MRPS27: variants seen among roughly 807,000 people sequenced by gnomAD.
MRPS27 encodes the protein mitochondrial ribosomal protein S27.
A neutral mutation model predicts 48.9 loss-of-function variants in MRPS27; 43 were observed. The observed-to-expected ratio is 0.88, with a 90% CI of 0.69 to 1.13. The LOEUF is 1.13. MRPS27 is among the 50% of genes most tolerant of loss of function. The pLI is 0.00. For missense variants in MRPS27, 467 were observed against 476.3 expected, an observed-to-expected ratio of 0.98 and a Z score of 0.18; for synonymous variants, 188 against 171.9, an observed-to-expected ratio of 1.09 and a Z score of -0.73.
At chr5:72,319,734 A>T (rs1750694661) in intron 1 of MRPS27, among the ~76,000 whole-genome samples, 1 of 151,706 alleles carries the variant, frequency 6.6e-6, no homozygotes, top group Non-Finnish European at 1.5e-5. Context: ...TTTAGTAGAG[A>T]TGGGGTTTCG....
chr5:72,240,954 T>C (rs1748333580), intron 4 of MRPS27, among the ~76,000 whole-genome samples: 1 of 152,234 alleles, frequency 6.6e-6, no homozygotes. Flanking sequence ...TCTCCTATCC[T>C]GGGACAAGGC....
chr5:72,276,173 G>T (rs1454729497), intron 4 of MRPS27, among the ~76,000 whole-genome samples: 4 of 152,026 alleles, frequency 2.6e-5, no homozygotes, highest in African/African-American at 9.7e-5. Flanking sequence ...CATACTACAA[G>T]GCTACAATAA....
At chr5:72,247,268 G>A (rs1039681341) in intron 4 of MRPS27, among the ~76,000 whole-genome samples, 2 of 152,112 alleles carry the variant, frequency 1.3e-5, no homozygotes, top group African/African-American at 4.8e-5. Flanking sequence ...CTCTGGACTA[G>A]ACCAGACCCC....
At chr5:72,281,559 G>A (rs1015419714) in intron 4 of MRPS27, among the ~76,000 whole-genome samples, 7 of 152,210 alleles carry the variant, frequency 4.6e-5, no homozygotes, top group Non-Finnish European at 8.8e-5. Context: ...GTAAGTTTAT[G>A]AGTGTAGCAG....
At chr5:72,267,323 CAT>C (rs1356019308) in intron 4 of MRPS27, among the ~76,000 whole-genome samples, 1 of 151,896 alleles carries the variant, frequency 6.6e-6, no homozygotes, top group African/African-American at 2.4e-5. Context: ...GTTCATATAA[CAT>C]ATGAACAGAG....
intron 4 of MRPS27, among the ~76,000 whole-genome samples, chr5:72,288,404 G>A (rs757948797): frequency 2.0e-5 from 3 of 152,122 alleles, no homozygotes; most frequent in Non-Finnish European, 4.4e-5. Context: ...GCAAAGACGG[G>A]GTTTCACTGT....
chr5:72,250,755 T>C (rs75348305), intron 4 of MRPS27, among the ~76,000 whole-genome samples: 8,468 of 152,218 alleles, frequency 0.056, 772 homozygotes, highest in African/African-American at 0.19. Flanking sequence ...TATGCACATA[T>C]ACAAGCAATA....
chr5:72,299,986 G>C (rs1750086358), intron 2 of MRPS27, among the ~76,000 whole-genome samples: 1 of 152,076 alleles, frequency 6.6e-6, no homozygotes, highest in Non-Finnish European at 1.5e-5. Flanking sequence ...AAACAAAAAA[G>C]CCCTCCCTTG....
At chr5:72,265,543 A>G (rs1478629909) in intron 4 of MRPS27, among the ~76,000 whole-genome samples, 1 of 152,242 alleles carries the variant, frequency 6.6e-6, no homozygotes, top group Non-Finnish European at 1.5e-5. Flanking sequence ...ATCAAATTAT[A>G]TAAACAGTCT....
chr5:72,244,876 T>G (rs1021979303), intron 4 of MRPS27, among the ~76,000 whole-genome samples: 7 of 133,836 alleles, frequency 5.2e-5, no homozygotes, highest in African/African-American at 2.4e-4. Flanking sequence ...TGCTGCTCTC[T>G]CTCTCTCTCT....
intron 4 of MRPS27, 24 bp downstream of exon 4, chr5:72,295,507 A>G (rs1482200127): frequency 1.3e-6 from 2 of 1,575,698 alleles, no homozygotes; most frequent in East Asian, 2.2e-5. Context: ...CAGAGTACAT[A>G]GCCAAATCAA....
intron 1 of MRPS27, among the ~76,000 whole-genome samples, chr5:72,317,025 G>A (rs1243135882): frequency 3.5e-5 from 5 of 144,476 alleles, no homozygotes; most frequent in Non-Finnish European, 6.0e-5. Context: ...GCGAAACTCC[G>A]TCTCAAAAAA....
chr5:72,272,955 A>G (rs1228465777), intron 4 of MRPS27, among the ~76,000 whole-genome samples: 3 of 152,112 alleles, frequency 2.0e-5, no homozygotes, highest in Admixed American at 6.5e-5. Flanking sequence ...AGTGTTATAT[A>G]TGTTTAAAAT....
intron 4 of MRPS27, among the ~76,000 whole-genome samples, chr5:72,285,848 T>A (rs1010424164): frequency 6.6e-6 from 1 of 152,186 alleles, no homozygotes; most frequent in Non-Finnish European, 1.5e-5. Flanking sequence ...ATTGTTGGGA[T>A]TATATAATAT....
intron 2 of MRPS27, among the ~76,000 whole-genome samples, chr5:72,305,881 C>G (rs906383627): frequency 6.6e-6 from 1 of 152,200 alleles, no homozygotes. Context: ...CCCAACAAAT[C>G]AGCAAGTTAG....
chr5:72,294,957 C>T (rs772809992), intron 4 of MRPS27, among the ~76,000 whole-genome samples: 6 of 151,904 alleles, frequency 3.9e-5, no homozygotes, highest in Non-Finnish European at 7.4e-5. Context: ...AAGTATAATG[C>T]AAATATTCAA....
chr5:72,281,636 A>G (rs1225315673), intron 4 of MRPS27, among the ~76,000 whole-genome samples: 21 of 152,198 alleles, frequency 1.4e-4, no homozygotes, highest in Non-Finnish European at 2.5e-4. Context: ...AGGGAAGAGC[A>G]TAGGCAAGAT....
intron 2 of MRPS27, among the ~76,000 whole-genome samples, chr5:72,312,165 A>G (rs931367941): frequency 1.3e-5 from 2 of 152,152 alleles, no homozygotes; most frequent in African/African-American, 4.8e-5. Flanking sequence ...CAACAAAATT[A>G]TTTCCAAATT....
At chr5:72,317,865 A>G (rs1369353558) in intron 1 of MRPS27, among the ~76,000 whole-genome samples, 1 of 152,194 alleles carries the variant, frequency 6.6e-6, no homozygotes, top group African/African-American at 2.4e-5. Context: ...GAAGTCTCTT[A>G]CATAAAATTG....
Sources: allele counts gnomAD v4.1 joint callset (sites outside exome capture counted in the v4.1 genomes callset), GRCh38; gene constraint gnomAD v4.1.1; transcripts MANE v1.5; gene names NCBI Gene and HGNC (gene_info 2026-07-23, HGNC 2026-07-21).